ERBB4: variants seen among roughly 807,000 people sequenced by gnomAD.
ERBB4 encodes erb-b2 receptor tyrosine kinase 4.
Under a neutral mutation model 158.0 loss-of-function variants are expected in ERBB4, and 42 were observed. The observed-to-expected ratio is 0.27, with a 90% confidence interval of 0.21 to 0.34. The LOEUF is 0.34. Ranked by LOEUF, ERBB4 falls within the 10% of genes least tolerant of loss-of-function variation. ERBB4 has a pLI of 1.00. For missense variants in ERBB4, 1,333 were observed against 1,624.1 expected, an observed-to-expected ratio of 0.82 and a Z score of 3.08; for synonymous variants, 583 against 558.7, an observed-to-expected ratio of 1.04 and a Z score of -0.61.
chr2:212,006,342 G>C (rs182249418), intron 2 of ERBB4, among the ~76,000 whole-genome samples: 63 of 152,070 alleles, frequency 4.1e-4, no homozygotes, highest in Non-Finnish European at 7.5e-4. Context: ...TTTTTACAAA[G>C]ACCTTTTTAA....
At position 211,673,152 on chromosome 2, in the gene ERBB4, C is replaced by A. The variant is rs773767779; in HGVS notation, c.1716+12G>T. ...AAATAAGCCAACACACCACAGATGT[C>A]TTCAGGCTTACCGGTCCATGGCATG... On this transcript the variant is annotated intron_variant, in intron 14 of 27. Transcript: ENST00000342788. The A allele has an allele frequency of 6.3e-7, 1 of 1,589,608 alleles. No individual in the cohort carries two copies.
chr2:211,418,000 G>C (rs2063430314), intron 25 of ERBB4, among the ~76,000 whole-genome samples: 1 of 151,744 alleles, frequency 6.6e-6, no homozygotes, highest in Non-Finnish European at 1.5e-5. Flanking sequence ...AGAAAATGAG[G>C]AAACAAAGTC....
chr2:212,455,330 T>TTTAACACCTAGGTGCCTCC (rs1462971519), intron 1 of ERBB4, among the ~76,000 whole-genome samples: 1 of 152,098 alleles, frequency 6.6e-6, no homozygotes, highest in Non-Finnish European at 1.5e-5. Flanking sequence ...TTAGGTGATC[T>TTTAACACCTAGGTGCCTCC]CATGTATGAA....
intron 2 of ERBB4, among the ~76,000 whole-genome samples, chr2:211,991,303 G>A (rs1365409143): frequency 6.6e-6 from 1 of 151,952 alleles, no homozygotes; most frequent in Non-Finnish European, 1.5e-5. Flanking sequence ...TACAAATTAA[G>A]CAAATAAAAT....
chr2:212,426,141 C>T, intron 1 of ERBB4: 1 of 362,000 alleles, frequency 2.8e-6, no homozygotes, highest in Non-Finnish European at 5.5e-6. Flanking sequence ...TATTACTTGT[C>T]ATTGTTCTCT....
intron 1 of ERBB4, among the ~76,000 whole-genome samples, chr2:212,372,450 T>C (rs2090121096): frequency 6.6e-6 from 1 of 152,096 alleles, no homozygotes; most frequent in Non-Finnish European, 1.5e-5. Flanking sequence ...TCTGAAAGCC[T>C]GTCTTAAAAA....
chr2:211,435,204 CTG>C (rs1241750063), intron 20 of ERBB4, among the ~76,000 whole-genome samples: 2 of 152,164 alleles, frequency 1.3e-5, no homozygotes, highest in African/African-American at 2.4e-5. Flanking sequence ...CATTATGATG[CTG>C]TGTTTCATGG....
At chr2:212,284,106 C>A (rs2085865205) in intron 1 of ERBB4, among the ~76,000 whole-genome samples, 1 of 152,024 alleles carries the variant, frequency 6.6e-6, no homozygotes, top group Non-Finnish European at 1.5e-5. Flanking sequence ...AGCACTTAGA[C>A]ACACAATAAT....
At chr2:211,704,058 C>A (rs2073349011) in intron 11 of ERBB4, 46 bp downstream of exon 11, 2 of 1,053,804 alleles carry the variant, frequency 1.9e-6, no homozygotes, top group South Asian at 1.3e-5. Context: ...ACACAATGCT[C>A]CTCTTGAAAT....
intron 3 of ERBB4, among the ~76,000 whole-genome samples, chr2:211,900,093 C>A (rs2079193937): frequency 6.6e-6 from 1 of 152,054 alleles, no homozygotes; most frequent in Non-Finnish European, 1.5e-5. Context: ...ACACAGTAAC[C>A]CGAGGCCTCA....
chr2:212,255,649 G>T (rs879747616), intron 1 of ERBB4, among the ~76,000 whole-genome samples: 1 of 152,052 alleles, frequency 6.6e-6, no homozygotes, highest in Non-Finnish European at 1.5e-5. Flanking sequence ...TACTGGTAGA[G>T]CATCCCTAAG....
intron 24 of ERBB4, 136 bp from the exon 25 acceptor site, chr2:211,420,747 T>C (rs1375723879): frequency 2.6e-6 from 2 of 776,052 alleles, no homozygotes; most frequent in Non-Finnish European, 4.3e-6. Context: ...AACAAGTCTT[T>C]AGCACAACCA....
At chr2:212,260,270 T>C (rs2084890814) in intron 1 of ERBB4, among the ~76,000 whole-genome samples, 1 of 152,004 alleles carries the variant, frequency 6.6e-6, no homozygotes, top group Non-Finnish European at 1.5e-5. Flanking sequence ...TCCAAAAGGA[T>C]ATTTGCAGAG....
chr2:212,006,351 A>G (rs1231833013), intron 2 of ERBB4, among the ~76,000 whole-genome samples: 3 of 152,112 alleles, frequency 2.0e-5, no homozygotes, highest in Non-Finnish European at 4.4e-5. Context: ...AGACCTTTTT[A>G]ATAAAGATTC....
At chr2:212,375,021 T>A (rs1357605635) in intron 1 of ERBB4, among the ~76,000 whole-genome samples, 1 of 152,048 alleles carries the variant, frequency 6.6e-6, no homozygotes, top group Non-Finnish European at 1.5e-5. Flanking sequence ...GTTAGAGGAA[T>A]ATATTGACCT....
At position 211,383,805 on chromosome 2, in the gene ERBB4, C is replaced by T. The variant is rs1225136962; in HGVS notation, c.3737G>A (p.Ser1246Asn). 1.2e-6 allele frequency: 2 copies of T among 1,614,110 alleles called. No homozygotes were observed. Among genetic ancestry groups the T allele is most frequent in the African/African-American group, 1.3e-5 (1 of 75,016 alleles). ...CTGAAGGGTGCTCCGAGGTGGCAGG[C>T]TGTGGTTCCAGTAGTCAGGGTTGTC... Reference protein sequence around the residue: ...AFDNPDYWNHSLPPRSTLQHP... With the variant: ...AFDNPDYWNHNLPPRSTLQHP... Residue 1246 changes from serine to asparagine, a missense_variant, in exon 28 of 28, where the codon AGC becomes AAC. By Grantham distance (46) the Ser-to-Asn change is conservative (BLOSUM62 1). Coordinates refer to ENST00000342788, the MANE Select transcript of ERBB4 (RefSeq NM_005235.3).
chr2:211,951,208 G>C (rs1259098688), intron 2 of ERBB4, among the ~76,000 whole-genome samples: 1 of 152,042 alleles, frequency 6.6e-6, no homozygotes, highest in Non-Finnish European at 1.5e-5. Context: ...AAATGTCATT[G>C]GTTTATCTCA....
At chr2:212,192,097 A>T (rs1016986806) in intron 1 of ERBB4, among the ~76,000 whole-genome samples, 101 of 101,944 alleles carry the variant, frequency 9.9e-4, no homozygotes, top group South Asian at 3.2e-3. Flanking sequence ...ATATTATATA[A>T]GTTATATATT....
intron 1 of ERBB4, among the ~76,000 whole-genome samples, chr2:212,465,697 A>C (rs576748393): frequency 6.6e-6 from 1 of 152,082 alleles, no homozygotes; most frequent in Non-Finnish European, 1.5e-5. Flanking sequence ...TCAAAGCTTC[A>C]TTACCTCCCT....
Sources: allele counts gnomAD v4.1 joint callset (sites outside exome capture counted in the v4.1 genomes callset), GRCh38; gene constraint gnomAD v4.1.1; transcripts MANE v1.5; gene names NCBI Gene and HGNC (gene_info 2026-07-23, HGNC 2026-07-21).